LRIF1: variants seen among roughly 807,000 people sequenced by gnomAD.
LRIF1 encodes ligand dependent nuclear receptor interacting factor 1, also known as ligand-dependent nuclear receptor-interacting factor 1.
In LRIF1, 32 loss-of-function variants were observed where a neutral mutation model predicts 52.7. The observed-to-expected ratio is 0.61, with a 90% CI of 0.46 to 0.82. LRIF1 has a LOEUF of 0.82. Ranked by LOEUF, LRIF1 falls within the 40% of genes least tolerant of loss-of-function variation. LRIF1 has a pLI of 0.00. For synonymous variants in LRIF1, 323 were observed against 317.4 expected, an observed-to-expected ratio of 1.02 and a Z score of -0.19; for missense variants, 887 against 892.0, an observed-to-expected ratio of 0.99 and a Z score of 0.07.
the LRIF1 span, among the ~76,000 whole-genome samples, chr1:110,901,150 GTT>G: frequency 6.6e-6 from 1 of 150,554 alleles, no homozygotes; most frequent in Non-Finnish European, 1.5e-5. Flanking sequence ...CTCTCTCTCT[GTT>G]TTTTTTTGTT....
the LRIF1 span, among the ~76,000 whole-genome samples, chr1:110,931,730 G>A: frequency 1.3e-5 from 2 of 152,184 alleles, no homozygotes; most frequent in Non-Finnish European, 2.9e-5. Context: ...TTTCTCTGAT[G>A]ACCAATGATG....
chr1:110,948,287 G>A lies in LRIF1; in HGVS notation c.1982C>T (p.Thr661Ile), dbSNP rs1658296711. Residue 661 changes from threonine to isoleucine, a missense_variant, in exon 4 of 4, where the codon ACC becomes ATC. By Grantham distance (89) the Thr-to-Ile change is moderately conservative. Coordinates refer to ENST00000369763, the MANE Select transcript of LRIF1 (RefSeq NM_018372.4). ...AATACTGCTTAGGAGTTGGGAACCG[G>A]TGACATTAGCTTCCCCATTTATGAT... The part of the protein sequence containing the change: ...NAIINGEANV[T>I]GSQLLSSILP... The A allele has an allele frequency of 1.2e-6, 2 of 1,613,958 alleles. No homozygotes were observed. The highest frequency in any genetic ancestry group is 2.7e-5 in the African/African-American group (2 of 74,906).
the LRIF1 span, among the ~76,000 whole-genome samples, chr1:110,932,512 C>T: frequency 6.6e-6 from 1 of 152,070 alleles, no homozygotes; most frequent in African/African-American, 2.4e-5. Flanking sequence ...TTTTCCAATT[C>T]TGTGAAGAAA....
chr1:110,961,379 T>C (rs1474788462), intron 1 of LRIF1, among the ~76,000 whole-genome samples: 1 of 152,258 alleles, frequency 6.6e-6, no homozygotes, highest in African/African-American at 2.4e-5. Flanking sequence ...AGCTAGGATA[T>C]GAACCCAAGT....
the LRIF1 span, among the ~76,000 whole-genome samples, chr1:110,875,258 A>G: frequency 6.6e-6 from 1 of 152,224 alleles, no homozygotes; most frequent in Non-Finnish European, 1.5e-5. Context: ...TTACAGAGCC[A>G]CATGAAGTGG....
the LRIF1 span, among the ~76,000 whole-genome samples, chr1:110,882,482 GA>G: frequency 2.6e-5 from 4 of 151,810 alleles, no homozygotes; most frequent in Non-Finnish European, 5.9e-5. Flanking sequence ...TAGTTTTATA[GA>G]AAGCAATATA....
chr1:110,916,101 C>T, the LRIF1 span, among the ~76,000 whole-genome samples: 1 of 152,212 alleles, frequency 6.6e-6, no homozygotes, highest in Non-Finnish European at 1.5e-5. Context: ...ATTTCCTTTA[C>T]TCACTAAAAG....
Position 110,950,377 on chromosome 1 carries a change from CTAAAA to C in LRIF1, c.1597-259_1597-255del, listed in dbSNP as rs578147581. On this transcript the variant is annotated intron_variant, in intron 2 of 3. Coordinates refer to ENST00000369763, the MANE Select transcript of LRIF1 (RefSeq NM_018372.4). ...TAATAAGTAGTCAATTCTAAAACAA[CTAAAA>C]TGAGAATACAGACTAATGACAACGT... Among the ~76,000 whole-genome samples the C allele has an allele frequency of 3.1e-3, 471 of 152,246 alleles. 4 individuals carry two copies. The highest frequency in any genetic ancestry group is 0.01 in the African/African-American group (435 of 41,540).
At position 110,952,237 on chromosome 1, in the gene LRIF1, C is replaced by A. The variant is rs766333227; in HGVS notation, c.647G>T (p.Ser216Ile). 1 of 1,614,104 alleles carries A rather than the reference C, an allele frequency of 6.2e-7. No homozygotes were observed. Among genetic ancestry groups the A allele is most frequent in the South Asian group, 1.1e-5 (1 of 91,090 alleles). The change falls in exon 2 of 4, where the codon AGT becomes ATT. Residue 216 changes from serine to isoleucine, a missense_variant. Physicochemically the swap from Ser to Ile is moderately radical, Grantham distance 142. Coordinates refer to ENST00000369763, the MANE Select transcript of LRIF1 (RefSeq NM_018372.4). The part of the protein sequence containing the change: ...QQKILATATT[S>I]TSGMVEASQM... ...GGAGGCCTCAACCATTCCTGAGGTA[C>A]TGGTGGTGGCAGTTGCAAGTATCTT... is the stretch of plus-strand genomic sequence containing the variant.
intron 2 of LRIF1, 91 bp from the exon 3 acceptor site, chr1:110,950,214 A>G (rs1658407618): frequency 2.8e-6 from 4 of 1,406,858 alleles, no homozygotes; most frequent in Admixed American, 2.2e-5. Flanking sequence ...ATCTTACATA[A>G]AAGAACATAT....
chr1:110,962,521 G>A (rs901651129), intron 1 of LRIF1, among the ~76,000 whole-genome samples: 6 of 152,012 alleles, frequency 3.9e-5, no homozygotes, highest in Non-Finnish European at 1.5e-5. Context: ...TACCTGCTGG[G>A]CTAAAATCTG....
In LRIF1 at chr1:110,948,268, G is replaced by A. The variant is rs149285020; in HGVS notation, c.2001C>T (p.Ser667=). The A allele has an allele frequency of 1.2e-6, 2 of 1,613,908 alleles. No homozygotes were observed. The highest frequency in any genetic ancestry group is 2.2e-5 in the East Asian group (1 of 44,868). The change falls in exon 4 of 4, where the codon AGC becomes AGT. Residue 667 remains serine (S), a synonymous_variant. Coordinates refer to ENST00000369763, the MANE Select transcript of LRIF1 (RefSeq NM_018372.4). ...EANVTGSQLL[S]SILPTSDVSQ... ...ACACATCTGAAGTTGGTAAAATACT[G>A]CTTAGGAGTTGGGAACCGGTGACAT...
intron 1 of LRIF1, among the ~76,000 whole-genome samples, chr1:110,962,060 G>GCACA (rs760591764): frequency 1.8e-5 from 1 of 55,940 alleles, no homozygotes; most frequent in East Asian, 4.9e-4. Context: ...AGAGTTAAGG[G>GCACA]TACACACACA....
At chr1:110,926,726 C>T in the LRIF1 span, among the ~76,000 whole-genome samples, 1 of 152,100 alleles carries the variant, frequency 6.6e-6, no homozygotes, top group East Asian at 1.9e-4. Flanking sequence ...TTCCATTCAA[C>T]CCCAATACAT....
chr1:110,927,567 A>T, the LRIF1 span, among the ~76,000 whole-genome samples: 1 of 152,236 alleles, frequency 6.6e-6, no homozygotes, highest in South Asian at 2.1e-4. Context: ...GCCAAGGAGT[A>T]AGAGAAGCTG....
At chr1:110,891,507 C>T in the LRIF1 span, 4 of 1,511,760 alleles carry the variant, frequency 2.6e-6, no homozygotes, top group African/African-American at 2.7e-5. Context: ...TTTAGCTCAC[C>T]TTTACCCAGC....
downstream of LRIF1, among the ~76,000 whole-genome samples, chr1:110,943,081 G>T (rs556065275): frequency 6.6e-6 from 1 of 152,266 alleles, no homozygotes; most frequent in Admixed American, 6.5e-5. Flanking sequence ...AGATTATTAT[G>T]TCCCTGAAGC....
At chr1:110,898,305 A>T in the LRIF1 span, among the ~76,000 whole-genome samples, 1 of 145,098 alleles carries the variant, frequency 6.9e-6, no homozygotes, top group Non-Finnish European at 1.5e-5. Context: ...TGAACCTGGG[A>T]GGCGGAGCTT....
chr1:110,921,440 G>A, the LRIF1 span, among the ~76,000 whole-genome samples: 1 of 151,946 alleles, frequency 6.6e-6, no homozygotes, highest in African/African-American at 2.4e-5. Context: ...AACACCAAAT[G>A]TAAAACAATT....
Sources: gnomAD v4.1 joint callset for allele counts (sites outside exome capture counted in the v4.1 genomes callset) on GRCh38, gnomAD v4.1.1 for gene constraint, MANE v1.5 for transcripts, NCBI Gene and HGNC (gene_info 2026-07-23, HGNC 2026-07-21) for gene names.